Variants in ATRNL1 observed in about 807,000 individuals in gnomAD.
The protein encoded by ATRNL1 is attractin like 1, also known as attractin-like protein 1.
A neutral mutation model predicts 182.7 loss-of-function variants in ATRNL1; 95 were observed. The ratio of observed to expected loss-of-function variants is 0.52; its 90% CI spans 0.44 to 0.62. The LOEUF is 0.62. Ranked by LOEUF, ATRNL1 falls within the 20% of genes least tolerant of loss-of-function variation. The pLI is 0.00. For missense variants in ATRNL1, 1,471 were observed against 1,679.5 expected, an observed-to-expected ratio of 0.88 and a Z score of 2.17; for synonymous variants, 576 against 568.3, an observed-to-expected ratio of 1.01 and a Z score of -0.19.
chr10:115,320,103 C>T (rs981428891), intron 18 of ATRNL1, among the ~76,000 whole-genome samples: 6 of 151,890 alleles, frequency 4.0e-5, no homozygotes, highest in Admixed American at 1.3e-4. Context: ...AACAAAATCC[C>T]TTAGCATTTG....
chr10:115,152,898 G>A (rs1226442721), intron 5 of ATRNL1, among the ~76,000 whole-genome samples: 1 of 151,668 alleles, frequency 6.6e-6, no homozygotes, highest in Admixed American at 6.6e-5. Context: ...CATCAATACC[G>A]AATTTATTGA....
chr10:115,891,385 T>A (rs2134463915), intron 28 of ATRNL1, among the ~76,000 whole-genome samples: 1 of 152,324 alleles, frequency 6.6e-6, no homozygotes, highest in East Asian at 1.9e-4. Flanking sequence ...AAAACCAGGC[T>A]TACTAGCCTT....
chr10:115,117,207 C>T (rs1554870246), intron 1 of ATRNL1, among the ~76,000 whole-genome samples: 1 of 151,852 alleles, frequency 6.6e-6, no homozygotes, highest in Non-Finnish European at 1.5e-5. Context: ...ACAAACAATC[C>T]AATTATACTC....
At chr10:115,394,204 A>G (rs1844174351) in intron 19 of ATRNL1, among the ~76,000 whole-genome samples, 1 of 152,040 alleles carries the variant, frequency 6.6e-6, no homozygotes, top group Admixed American at 6.6e-5. Context: ...CAATCCTGGA[A>G]GCTAAGTGCT....
intron 28 of ATRNL1, among the ~76,000 whole-genome samples, chr10:115,868,115 G>T (rs782767266): frequency 3.9e-5 from 6 of 152,014 alleles, no homozygotes; most frequent in African/African-American, 1.5e-4. Context: ...ATTGGTTGCT[G>T]CCCTTTTCAA....
intron 27 of ATRNL1, chr10:115,819,886 T>A (rs1173497471): frequency 2.7e-5 from 4 of 150,182 alleles, no homozygotes; most frequent in Non-Finnish European, 4.5e-5. Context: ...AGAATTCTAT[T>A]TCCAAGAAAT....
At chr10:115,364,576 G>A (rs1354564465) in intron 19 of ATRNL1, among the ~76,000 whole-genome samples, 2 of 148,472 alleles carry the variant, frequency 1.3e-5, no homozygotes, top group East Asian at 4.0e-4. Context: ...AGTGGTGAGA[G>A]AGGGCATCCC....
At chr10:115,535,905 G>A (rs979548701) in intron 25 of ATRNL1, among the ~76,000 whole-genome samples, 84 of 151,964 alleles carry the variant, frequency 5.5e-4, no homozygotes, top group East Asian at 1.7e-3. Flanking sequence ...TATCAGCAGC[G>A]GTGTCTGCAG....
intron 28 of ATRNL1, among the ~76,000 whole-genome samples, chr10:115,856,451 G>T (rs1222351582): frequency 7.0e-5 from 1 of 14,330 alleles, no homozygotes; most frequent in African/African-American, 1.8e-4. Context: ...AAAAAAAAAA[G>T]CCATACATAC....
At chr10:115,600,963 C>A (rs1353323787) in intron 26 of ATRNL1, among the ~76,000 whole-genome samples, 2 of 138,832 alleles carry the variant, frequency 1.4e-5, no homozygotes, top group African/African-American at 5.3e-5. Context: ...GTATGGATGT[C>A]CACATTTTCT....
chr10:115,549,410 T>C, intron 25 of ATRNL1, 48 bp from the exon 26 acceptor site: 1 of 1,402,008 alleles, frequency 7.1e-7, no homozygotes. Context: ...TTTCATTACA[T>C]AGTTCAAATA....
intron 27 of ATRNL1, among the ~76,000 whole-genome samples, chr10:115,748,009 T>G (rs981017988): frequency 2.0e-5 from 3 of 151,946 alleles, no homozygotes; most frequent in Non-Finnish European, 2.9e-5. Flanking sequence ...CACCAGGACT[T>G]TGTAGATTAG....
At chr10:115,906,210 A>G (rs1952498624) in intron 28 of ATRNL1, among the ~76,000 whole-genome samples, 1 of 152,200 alleles carries the variant, frequency 6.6e-6, no homozygotes, top group Non-Finnish European at 1.5e-5. Flanking sequence ...CCCTAATAAA[A>G]TAATACATTT....
intron 26 of ATRNL1, among the ~76,000 whole-genome samples, chr10:115,639,932 A>G (rs1017657540): frequency 6.6e-6 from 1 of 152,068 alleles, no homozygotes; most frequent in Admixed American, 6.6e-5. Context: ...TTTAAGCTCC[A>G]CATGCATTAG....
intron 26 of ATRNL1, among the ~76,000 whole-genome samples, chr10:115,602,441 AC>A (rs202164361): frequency 0.03 from 3,490 of 116,972 alleles, 121 homozygotes; most frequent in African/African-American, 0.11. Flanking sequence ...GTTTACACAC[AC>A]AAAAAAACTC....
intron 16 of ATRNL1, 92 bp from the exon 17 acceptor site, chr10:115,301,763 A>G (rs1241247008): frequency 5.2e-5 from 57 of 1,102,602 alleles, no homozygotes; most frequent in Non-Finnish European, 6.5e-5. Flanking sequence ...CTTAATTGAA[A>G]CATGCCCTGA....
At chr10:115,676,083 C>T (rs1360902272) in intron 26 of ATRNL1, among the ~76,000 whole-genome samples, 1 of 151,906 alleles carries the variant, frequency 6.6e-6, no homozygotes, top group East Asian at 1.9e-4. Flanking sequence ...TAAACAATAA[C>T]AAAAAGTTAA....
chr10:115,117,742 G>A (rs1205754009), intron 1 of ATRNL1, among the ~76,000 whole-genome samples: 1 of 152,022 alleles, frequency 6.6e-6, no homozygotes, highest in African/African-American at 2.4e-5. Flanking sequence ...GAATCGTATG[G>A]TAGCTAAATT....
chr10:115,751,689 T>C (rs1948453021), intron 27 of ATRNL1, among the ~76,000 whole-genome samples: 1 of 152,078 alleles, frequency 6.6e-6, no homozygotes, highest in South Asian at 2.1e-4. Context: ...CGTTGTACTA[T>C]GCAGTTGTAA....
Sources: allele counts gnomAD v4.1 joint callset (sites outside exome capture counted in the v4.1 genomes callset), GRCh38; gene constraint gnomAD v4.1.1; transcripts MANE v1.5; gene names NCBI Gene and HGNC (gene_info 2026-07-23, HGNC 2026-07-21).